The following TMPRSS6 variants were observed in gnomAD, a reference collection of about 807,000 sequenced individuals.
TMPRSS6 encodes transmembrane serine protease 6, also known as transmembrane protease serine 6.
TMPRSS6 carries 67 observed loss-of-function variants against 101.5 expected under a neutral mutation model. The ratio of observed to expected loss-of-function variants is 0.66; its 90% CI spans 0.54 to 0.81. The LOEUF (loss-of-function observed/expected upper bound fraction) is 0.81. Ranked by LOEUF, TMPRSS6 falls within the 30% of genes least tolerant of loss-of-function variation. The probability of loss-of-function intolerance (pLI) is 0.00; values close to 1 mark genes in which losing one functional copy is unlikely to be tolerated. For synonymous variants in TMPRSS6, 453 were observed against 464.9 expected, an observed-to-expected ratio of 0.97 and a Z score of 0.33; for missense variants, 1,034 against 1,088.7, an observed-to-expected ratio of 0.95 and a Z score of 0.71.
At position 37,096,706 on chromosome 22, in the gene TMPRSS6, G is replaced by A. The variant is rs527806921; in HGVS notation, c.346C>T (p.Leu116Phe). ...GTTCCCAGGCGGGTGCTGGTGATGA[G>A]CTCCTTGAGCTGTGAGAAGGGAAGA... The part of the protein sequence containing the change: ...TAKAQKMLKE[L>F]ITSTRLGTYY... The change falls in exon 4 of 18, where the codon CTC becomes TTC. Residue 116 changes from leucine to phenylalanine, a missense_variant. Transcript: ENST00000676104. 1.3e-6 allele frequency: 2 copies of A among 1,563,372 alleles called. No individual in the cohort carries two copies. Among genetic ancestry groups the A allele is most frequent in the Admixed American group, 1.9e-5 (1 of 52,378 alleles).
At chr22:37,093,563 C>T (rs1054308148) in intron 6 of TMPRSS6, among the ~76,000 whole-genome samples, 4 of 150,062 alleles carry the variant, frequency 2.7e-5, no homozygotes, top group South Asian at 2.1e-4. Flanking sequence ...CCACCATGCC[C>T]GGCTAATTTT....
intron 17 of TMPRSS6, 125 bp from the exon 18 acceptor site, chr22:37,066,363 T>A: frequency 9.6e-7 from 1 of 1,037,414 alleles, no homozygotes; most frequent in Non-Finnish European, 1.4e-6. Context: ...CGTTCAGTCT[T>A]AAAGCTCTGC....
intron 17 of TMPRSS6, among the ~76,000 whole-genome samples, 199 bp from the exon 18 acceptor site, chr22:37,066,437 G>A (rs1926297471): frequency 6.6e-6 from 1 of 152,224 alleles, no homozygotes; most frequent in African/African-American, 2.4e-5. Flanking sequence ...AGCCAGCCTG[G>A]GACCTCCTGG....
intron 16 of TMPRSS6, chr22:37,068,814 C>T (rs1249944471): frequency 8.3e-6 from 6 of 723,358 alleles, no homozygotes; most frequent in Non-Finnish European, 1.2e-5. Flanking sequence ...GCAGTGGCGT[C>T]CCAGACCTGC....
chr22:37,067,635 C>A (rs1926431250), intron 16 of TMPRSS6, among the ~76,000 whole-genome samples: 1 of 152,198 alleles, frequency 6.6e-6, no homozygotes, highest in South Asian at 2.1e-4. Flanking sequence ...CTGATCCCTT[C>A]ATGGTTTCCT....
chr22:37,085,501 G>A (rs1181677596), intron 8 of TMPRSS6, among the ~76,000 whole-genome samples: 1 of 152,168 alleles, frequency 6.6e-6, no homozygotes, highest in African/African-American at 2.4e-5. Flanking sequence ...GAGAAGAGTG[G>A]GGAGAGAGGT....
chr22:37,074,197 C>A (rs1249780988), intron 12 of TMPRSS6, among the ~76,000 whole-genome samples: 2 of 152,212 alleles, frequency 1.3e-5, no homozygotes, highest in Non-Finnish European at 2.9e-5. Context: ...ATATGAGGTA[C>A]CTCCCCCAGC....
chr22:37,087,719 C>T (rs113903305), intron 7 of TMPRSS6, among the ~76,000 whole-genome samples: 2,963 of 152,208 alleles, frequency 0.019, 34 homozygotes, highest in Non-Finnish European at 0.028. Flanking sequence ...TTGGCCTTAC[C>T]GGCTCATCTT....
chr22:37,078,981 G>GAAAGAAAGAAAGAAAGAAAGA (rs1555888515), intron 10 of TMPRSS6, among the ~76,000 whole-genome samples: 112 of 140,454 alleles, frequency 8.0e-4, no homozygotes, highest in Non-Finnish European at 1.2e-3. Context: ...GAAAAAGAAA[G>GAAAGAAAGAAAGAAAGAAAGA]AAAGAAAGAA....
intron 10 of TMPRSS6, among the ~76,000 whole-genome samples, chr22:37,077,441 G>A (rs891131540): frequency 6.6e-6 from 1 of 152,188 alleles, no homozygotes; most frequent in African/African-American, 2.4e-5. Flanking sequence ...CCAACCAGCA[G>A]TTCTCAAAGC....
At chr22:37,095,629 C>CA (rs548945502) in intron 5 of TMPRSS6, 37 bp from the exon 6 acceptor site, 95,046 of 1,122,296 alleles carry the variant, frequency 0.085, 6 homozygotes, top group Non-Finnish European at 0.094. Flanking sequence ...TAAACAAGAA[C>CA]AAAAAAAAAA....
chr22:37,100,336 G>A (rs1359626722), intron 2 of TMPRSS6, among the ~76,000 whole-genome samples: 1 of 152,252 alleles, frequency 6.6e-6, no homozygotes, highest in Non-Finnish European at 1.5e-5. Flanking sequence ...CTGCTGTTGA[G>A]AAAGGCTCTA....
chr22:37,087,701 C>T (rs1270018486), intron 7 of TMPRSS6, among the ~76,000 whole-genome samples: 3 of 152,072 alleles, frequency 2.0e-5, no homozygotes, highest in Admixed American at 2.0e-4. Flanking sequence ...CATACAGCCA[C>T]GTCCTTTTTG....
intron 10 of TMPRSS6, among the ~76,000 whole-genome samples, chr22:37,076,442 T>C (rs1218152071): frequency 6.6e-6 from 1 of 152,078 alleles, no homozygotes; most frequent in Admixed American, 6.6e-5. Context: ...ACCCCTGCCA[T>C]ACCACCACCA....
At chr22:37,068,957 A>C in intron 16 of TMPRSS6, 116 bp downstream of exon 16, 1 of 1,463,228 alleles carries the variant, frequency 6.8e-7, no homozygotes, top group Non-Finnish European at 9.0e-7. Flanking sequence ...CCAGCACTAG[A>C]GGGCCTATGG....
chr22:37,071,230 C>T (rs5756504), intron 13 of TMPRSS6, among the ~76,000 whole-genome samples, 198 bp from the exon 14 acceptor site: 63,904 of 149,462 alleles, frequency 0.43, 14,951 homozygotes, highest in African/African-American at 0.62. Context: ...CTCAGACTGG[C>T]CTATTGAGCA....
chr22:37,108,087 C>G (rs1930824816), intron 1 of TMPRSS6, among the ~76,000 whole-genome samples: 1 of 152,188 alleles, frequency 6.6e-6, no homozygotes, highest in African/African-American at 2.4e-5. Flanking sequence ...CTCTCTTTTC[C>G]CCGTCGCACC....
At position 37,095,969 on chromosome 22, in the gene TMPRSS6, T is replaced by C. The variant is rs1929725432; in HGVS notation, c.526A>G (p.Ser176Gly). 2 of 1,614,078 alleles carry C rather than the reference T, an allele frequency of 1.2e-6. No homozygotes were observed. The highest frequency in any genetic ancestry group is 1.3e-5 in the African/African-American group (1 of 74,938). Residue 176 changes from serine (S) to glycine (G), a missense_variant, in exon 5 of 18, where the codon AGC becomes GGC. Physicochemically the swap from Ser to Gly is moderately conservative, Grantham distance 56. Coordinates refer to ENST00000676104, the MANE Select transcript of TMPRSS6 (RefSeq NM_001374504.1). ...GCCCTGTAGGGGACGGCAGCCGAGC[T>C]GTTGACTGTGGACAGCAGCTCCTCC... ...LVEELLSTVNSSAAVPYRAEY... is the reference protein window; with the variant it reads ...LVEELLSTVNGSAAVPYRAEY...
At position 37,084,222 on chromosome 22, in the gene TMPRSS6, G is replaced by T. The variant is rs757727832; in HGVS notation, c.1196+73C>A. 8 of 1,296,118 alleles carry T rather than the reference G, an allele frequency of 6.2e-6. No individual in the cohort carries two copies. In the East Asian group the frequency reaches 1.7e-4, roughly 28 times the overall value. The allele number at this position is 1,296,118 out of a possible 1,614,324, so 80.3% of individuals were successfully genotyped here. On this transcript the variant is annotated intron_variant, in intron 10 of 17. Coordinates refer to ENST00000676104, the MANE Select transcript of TMPRSS6 (RefSeq NM_001374504.1). ...TGGGGACTTGGGCTTCCAATGAGGG[G>T]GTCACTATTGAGGAGGGAAGAGAGG...
Sources: allele counts gnomAD v4.1 joint callset (sites outside exome capture counted in the v4.1 genomes callset), GRCh38; gene constraint gnomAD v4.1.1; transcripts MANE v1.5; gene names NCBI Gene and HGNC (gene_info 2026-07-23, HGNC 2026-07-21).